CYYR1: variants seen among roughly 807,000 people sequenced by gnomAD.
CYYR1 encodes cysteine and tyrosine-rich protein 1.
In CYYR1, 14 loss-of-function variants were observed where a neutral mutation model predicts 15.2. The observed-to-expected ratio is 0.92, with a 90% CI of 0.61 to 1.44. The LOEUF is 1.44. Ranked by LOEUF, CYYR1 falls within the 40% of genes most tolerant of loss-of-function variation. The pLI, the probability that CYYR1 is intolerant of heterozygous loss-of-function variation, is 0.00. For missense variants in CYYR1, 228 were observed against 209.5 expected (o/e 1.09, Z -0.54); for synonymous variants, 80 against 77.4 (o/e 1.03, Z -0.18).
chr21:26,538,733 A>T (rs896333100), intron 2 of CYYR1, among the ~76,000 whole-genome samples: 2 of 152,156 alleles, frequency 1.3e-5, no homozygotes, highest in African/African-American at 4.8e-5. Context: ...CTGTGGTATC[A>T]TATTTTTAAT....
chr21:26,534,016 T>G (rs2123617253), intron 2 of CYYR1, among the ~76,000 whole-genome samples: 1 of 152,258 alleles, frequency 6.6e-6, no homozygotes, highest in East Asian at 1.9e-4. Context: ...ACACATAGCA[T>G]GCCACTCACC....
At chr21:26,502,541 T>G (rs1158141459) in intron 2 of CYYR1, among the ~76,000 whole-genome samples, 1 of 152,144 alleles carries the variant, frequency 6.6e-6, no homozygotes, top group Non-Finnish European at 1.5e-5. Flanking sequence ...ACAAATTATT[T>G]CAGGCTATGA....
chr21:26,477,573 A>G (rs979794759), intron 3 of CYYR1: 12 of 376,304 alleles, frequency 3.2e-5, no homozygotes, highest in Non-Finnish European at 2.9e-5. Context: ...TTACATTACT[A>G]TCGTGACATT....
At chr21:26,477,929 T>C (rs541197210) in intron 3 of CYYR1, 10 of 1,315,214 alleles carry the variant, frequency 7.6e-6, no homozygotes, top group East Asian at 5.9e-5. Context: ...TGAAATTGCA[T>C]GTTACTTTTG....
intron 2 of CYYR1, among the ~76,000 whole-genome samples, chr21:26,511,666 G>A (rs2065650187): frequency 6.6e-6 from 1 of 152,202 alleles, no homozygotes; most frequent in Non-Finnish European, 1.5e-5. Context: ...GCAAGTGATT[G>A]CAAAGTGAAG....
At chr21:26,567,601 G>A (rs547882485) in intron 1 of CYYR1, among the ~76,000 whole-genome samples, 5 of 152,128 alleles carry the variant, frequency 3.3e-5, no homozygotes, top group African/African-American at 1.2e-4. Flanking sequence ...ATTAAGTACA[G>A]TCTGATAATT....
chr21:26,543,583 C>T (rs1349764181), intron 2 of CYYR1, among the ~76,000 whole-genome samples: 1 of 152,158 alleles, frequency 6.6e-6, no homozygotes, highest in East Asian at 1.9e-4. Context: ...ATCATCTCTG[C>T]TCATGCACCA....
At chr21:26,531,937 CAT>C (rs1216367019) in intron 2 of CYYR1, among the ~76,000 whole-genome samples, 1 of 152,014 alleles carries the variant, frequency 6.6e-6, no homozygotes, top group East Asian at 1.9e-4. Context: ...ATGCTTGAAA[CAT>C]AGTGATTAAA....
intron 2 of CYYR1, among the ~76,000 whole-genome samples, chr21:26,489,018 C>T (rs222178): frequency 0.48 from 73,582 of 152,018 alleles, 18,398 homozygotes; most frequent in Middle Eastern, 0.56. Context: ...AATTGCTATA[C>T]AGTTTAAACA....
chr21:26,521,843 T>A (rs2065807360), intron 2 of CYYR1, among the ~76,000 whole-genome samples: 1 of 152,216 alleles, frequency 6.6e-6, no homozygotes, highest in Non-Finnish European at 1.5e-5. Context: ...GAAAATTCAG[T>A]GCACTTCTTT....
intron 2 of CYYR1, among the ~76,000 whole-genome samples, chr21:26,519,091 C>T (rs1263528130): frequency 1.3e-5 from 2 of 152,076 alleles, no homozygotes; most frequent in Non-Finnish European, 2.9e-5. Flanking sequence ...AAATCTTAGG[C>T]TGTATAGCCA....
At chr21:26,472,717 T>G (rs1484461047) in intron 3 of CYYR1, among the ~76,000 whole-genome samples, 1 of 152,110 alleles carries the variant, frequency 6.6e-6, no homozygotes, top group Non-Finnish European at 1.5e-5. Context: ...TAAAAACTCT[T>G]TGTCAAAATG....
chr21:26,533,774 A>G lies in CYYR1; in HGVS notation c.176+32492T>C, dbSNP rs1293259472. ...GCTGCTGTTGTTGGTGTGCGTGTGT[A>G]TGTATTTTCTGTGCAATGCTTGCTG... On this transcript the variant is annotated intron_variant, in intron 2 of 3. Coordinates refer to ENST00000652641, the MANE Select transcript of CYYR1 (RefSeq NM_001320768.2). 2.6e-5 allele frequency among the ~76,000 whole-genome samples: 4 copies of G among 152,108 alleles called. No homozygotes were observed. In the East Asian group the frequency reaches 7.7e-4, roughly 29 times the overall value.
chr21:26,476,709 T>A (rs973170860), intron 3 of CYYR1, among the ~76,000 whole-genome samples: 110 of 152,224 alleles, frequency 7.2e-4, no homozygotes, highest in African/African-American at 2.6e-3. Context: ...TTTTTCTTGA[T>A]GGCACTGAAA....
chr21:26,513,919 TGGGGGGA>T (rs2065685401), intron 2 of CYYR1, among the ~76,000 whole-genome samples: 7 of 39,752 alleles, frequency 1.8e-4, no homozygotes, highest in Non-Finnish European at 9.1e-5. Flanking sequence ...TGTTGTGGGG[TGGGGGGA>T]GGGGGGAGGG....
Position 26,482,478 on chromosome 21 carries a change from T to C in CYYR1, c.177-2049A>G, listed in dbSNP as rs1440484691. 3 of 985,206 alleles carry C rather than the reference T, an allele frequency of 3.0e-6. No individual in the cohort carries two copies. In the African/African-American group the frequency reaches 5.2e-5, roughly 17 times the overall value. The allele number at this position is 985,206 out of a possible 1,614,324, so 61.0% of individuals were successfully genotyped here. ...ACTGGTTGTTCCGAACCTGGAACTG[T>C]TCCCCTTGAGCCCTGTTTGCTGGTC... On this transcript the variant is annotated intron_variant, in intron 2 of 3. Coordinates refer to ENST00000652641, the MANE Select transcript of CYYR1 (RefSeq NM_001320768.2).
At position 26,533,917 on chromosome 21, in the gene CYYR1, T is replaced by C. The variant is rs555641744; in HGVS notation, c.176+32349A>G. Among the ~76,000 whole-genome samples, 137 of 152,300 alleles carry C rather than the reference T, an allele frequency of 9.0e-4. 6 individuals carry two copies. The South Asian group carries it at 0.028, about 31-fold the overall frequency. ...AAGACCTACAAGCTTTTGTTAGGAATTGAGGACACAGGTGTACCTAAGATT... is the reference window on the plus strand; with the variant it reads ...AAGACCTACAAGCTTTTGTTAGGAACTGAGGACACAGGTGTACCTAAGATT... On this transcript the variant is annotated intron_variant, in intron 2 of 3. Transcript: ENST00000652641.
At chr21:26,497,059 A>C (rs2123463120) in intron 2 of CYYR1, among the ~76,000 whole-genome samples, 1 of 152,282 alleles carries the variant, frequency 6.6e-6, no homozygotes, top group Admixed American at 6.5e-5. Flanking sequence ...TTACCAAACA[A>C]CACACAACTT....
At chr21:26,562,610 T>A (rs222967) in intron 2 of CYYR1, among the ~76,000 whole-genome samples, 109,524 of 151,914 alleles carry the variant, frequency 0.72, 40,100 homozygotes, top group East Asian at 0.87. Flanking sequence ...CTTTGTATGC[T>A]AGAGTCTGTC....
Sources: gnomAD v4.1 joint callset for allele counts (sites outside exome capture counted in the v4.1 genomes callset) on GRCh38, gnomAD v4.1.1 for gene constraint, MANE v1.5 for transcripts, NCBI Gene and HGNC (gene_info 2026-07-23, HGNC 2026-07-21) for gene names.